SLC9A4: variants seen among roughly 807,000 people sequenced by gnomAD.
SLC9A4 encodes solute carrier family 9 member A4.
SLC9A4 carries 63 observed loss-of-function variants against 67.4 expected under a neutral mutation model. The ratio of observed to expected loss-of-function variants is 0.93; its 90% CI spans 0.76 to 1.15. SLC9A4 has a LOEUF of 1.15. SLC9A4 is among the 50% of genes most tolerant of loss of function. The pLI is 0.00. For missense variants in SLC9A4, 1,089 were observed against 987.7 expected, an observed-to-expected ratio of 1.10 and a Z score of -1.38; for synonymous variants, 393 against 367.2, an observed-to-expected ratio of 1.07 and a Z score of -0.80.
Position 102,514,198 on chromosome 2 carries a change from C to G in SLC9A4, c.1668C>G (p.Ile556Met). The G allele has an allele frequency of 1.9e-6, 3 of 1,614,106 alleles. No homozygotes were observed. Among genetic ancestry groups the G allele is most frequent in the South Asian group, 1.1e-5 (1 of 91,076 alleles). Residue 556 changes from isoleucine (I) to methionine (M), a missense_variant, in exon 8 of 12, where the codon ATC becomes ATG. Transcript: ENST00000295269. ...AGAAGCTGGAAATGAAGCAAGCCAT[C>G]GAGATGGTGGAGACTGGGATACTGA... ...LYKKLEMKQA[I>M]EMVETGILSS...
chr2:102,489,144 T>C (rs983146301), intron 2 of SLC9A4, among the ~76,000 whole-genome samples: 1 of 152,220 alleles, frequency 6.6e-6, no homozygotes, highest in African/African-American at 2.4e-5. Context: ...TTTTGTATCA[T>C]GCAGGTGAAC....
intron 11 of SLC9A4, among the ~76,000 whole-genome samples, chr2:102,528,354 C>T (rs1431014059): frequency 6.6e-6 from 1 of 151,484 alleles, no homozygotes; most frequent in East Asian, 1.9e-4. Context: ...AATAACCTGG[C>T]ACTATTTTTG....
chr2:102,491,907 G>A (rs1003107794), intron 2 of SLC9A4, among the ~76,000 whole-genome samples: 2 of 152,166 alleles, frequency 1.3e-5, no homozygotes, highest in Admixed American at 1.3e-4. Flanking sequence ...TGGGGGTAAA[G>A]GCACTGGGTA....
chr2:102,496,491 G>A (rs1234128452), intron 2 of SLC9A4, among the ~76,000 whole-genome samples: 1 of 152,188 alleles, frequency 6.6e-6, no homozygotes, highest in African/African-American at 2.4e-5. Flanking sequence ...AAAAAAGGGA[G>A]GGATATACCT....
intron 8 of SLC9A4, among the ~76,000 whole-genome samples, chr2:102,519,147 G>C (rs192821578): frequency 6.6e-6 from 1 of 152,264 alleles, no homozygotes; most frequent in African/African-American, 2.4e-5. Context: ...GGCATAACCC[G>C]TTTTTTAATC....
intron 2 of SLC9A4, among the ~76,000 whole-genome samples, chr2:102,488,906 T>C (rs1282278099): frequency 6.6e-6 from 1 of 152,112 alleles, no homozygotes; most frequent in East Asian, 1.9e-4. Context: ...GAGCCAGAGG[T>C]CCCCTGAGTT....
At chr2:102,529,569 A>G (rs1558676203) in intron 11 of SLC9A4, among the ~76,000 whole-genome samples, 2 of 152,202 alleles carry the variant, frequency 1.3e-5, no homozygotes, top group East Asian at 3.8e-4. Context: ...TTTAAAAAGG[A>G]TTATAATAGT....
At chr2:102,480,447 G>C (rs1049778585) in intron 2 of SLC9A4, among the ~76,000 whole-genome samples, 4 of 151,368 alleles carry the variant, frequency 2.6e-5, no homozygotes, top group Non-Finnish European at 5.9e-5. Flanking sequence ...CACTGCAACC[G>C]TGTCTGGCCC....
At chr2:102,517,309 A>G (rs1348594620) in intron 8 of SLC9A4, among the ~76,000 whole-genome samples, 1 of 152,182 alleles carries the variant, frequency 6.6e-6, no homozygotes, top group Non-Finnish European at 1.5e-5. Flanking sequence ...TTAGCTGCTT[A>G]AAAAAAGATG....
chr2:102,521,573 C>T (rs777317637), intron 9 of SLC9A4, among the ~76,000 whole-genome samples: 18 of 152,196 alleles, frequency 1.2e-4, no homozygotes, highest in Non-Finnish European at 2.6e-4. Context: ...TACCCCTTCC[C>T]GTCTTCCTTT....
intron 2 of SLC9A4, among the ~76,000 whole-genome samples, chr2:102,486,353 T>C (rs781683347): frequency 2.6e-5 from 4 of 152,222 alleles, no homozygotes; most frequent in Non-Finnish European, 5.9e-5. Context: ...TTGGTGTTAT[T>C]CATCCAAGTC....
chr2:102,478,110 C>A (rs772385053), intron 1 of SLC9A4, among the ~76,000 whole-genome samples: 1 of 152,078 alleles, frequency 6.6e-6, no homozygotes, highest in South Asian at 2.1e-4. Context: ...CAATCAGAGA[C>A]CCATGGTGTA....
chr2:102,502,613 G>A (rs1684967013), intron 2 of SLC9A4, among the ~76,000 whole-genome samples: 1 of 152,222 alleles, frequency 6.6e-6, no homozygotes, highest in Non-Finnish European at 1.5e-5. Flanking sequence ...CTGGCCACTG[G>A]GTAGCAGAGA....
In SLC9A4 at chr2:102,532,821, A is replaced by G; in HGVS notation, c.*133A>G. 1.0e-6 allele frequency: 1 copy of G among 962,214 alleles called. No individual in the cohort carries two copies. The allele number at this position is 962,214 out of a possible 1,614,324, so 59.6% of individuals were successfully genotyped here. A position where few individuals can be genotyped will look rare whatever the true frequency, so the allele number is the denominator to read the frequency against. On this transcript the variant is annotated 3_prime_UTR_variant, in exon 12 of 12. Transcript: ENST00000295269. Reference sequence around the variant, plus strand: ...TGAAGCTATTAAACATGGATCTATAAGCAGCAGGAAGATTTTTTCCAAGGA... The same window carrying G: ...TGAAGCTATTAAACATGGATCTATAGGCAGCAGGAAGATTTTTTCCAAGGA...
At chr2:102,506,843 T>C (rs1685061096) in intron 4 of SLC9A4, among the ~76,000 whole-genome samples, 1 of 152,102 alleles carries the variant, frequency 6.6e-6, no homozygotes, top group Non-Finnish European at 1.5e-5. Context: ...CTCAACCCCA[T>C]ACTCTTACAG....
Position 102,532,897 on chromosome 2 carries a change from A to T in SLC9A4, c.*209A>T. Reference sequence around the variant, plus strand: ...CATGTACTTATTGTGGGGTACCTTTAGATGAATTCCCTGTGAGTGAGAGAA... The same window carrying T: ...CATGTACTTATTGTGGGGTACCTTTTGATGAATTCCCTGTGAGTGAGAGAA... On this transcript the variant is annotated 3_prime_UTR_variant, in exon 12 of 12. Transcript: ENST00000295269. The T allele has an allele frequency of 2.0e-6, 1 of 496,852 alleles. No homozygotes were observed. Among genetic ancestry groups the T allele is most frequent in the South Asian group, 3.1e-5 (1 of 31,858 alleles). 30.8% of individuals were successfully genotyped at this position (496,852 alleles called of 1,614,324 possible).
Position 102,478,900 on chromosome 2 carries a change from G to T in SLC9A4, c.318G>T (p.Val106=), listed in dbSNP as rs146079308. 1.2e-6 allele frequency: 2 copies of T among 1,614,118 alleles called. No individual in the cohort carries two copies. The highest frequency in any genetic ancestry group is 1.3e-5 in the African/African-American group (1 of 75,058). ...CAGAAAGCTGCCTCCTCATCCTGGT[G>T]GGGGCGCTGGTGGGCGGCATCATCT... The part of the protein sequence containing the change: ...LMPESCLLIL[V]GALVGGIIFG... Residue 106 remains valine, a synonymous_variant, in exon 2 of 12, where the codon GTG becomes GTT. Transcript: ENST00000295269.
intron 9 of SLC9A4, among the ~76,000 whole-genome samples, chr2:102,523,316 A>AT (rs1674586324): frequency 1.3e-5 from 2 of 152,026 alleles, no homozygotes; most frequent in East Asian, 3.9e-4. Context: ...ACAATTATCT[A>AT]TTTTGTGAGG....
Position 102,503,723 on chromosome 2 carries a change from G to A in SLC9A4, c.980+16G>A, listed in dbSNP as rs1274258582. On this transcript the variant is annotated intron_variant, in intron 3 of 11. Transcript: ENST00000295269. ...GCATCCTGGCGTGAGTACAAACCAA[G>A]GATCAAGTCACATAGTAATAGAAAG... is the stretch of plus-strand genomic sequence containing the variant. 4 of 1,611,344 alleles carry A rather than the reference G, an allele frequency of 2.5e-6. No homozygotes were observed. Among genetic ancestry groups the A allele is most frequent in the East Asian group, 4.5e-5 (2 of 44,810 alleles).
Sources: gnomAD v4.1 joint callset for allele counts (sites outside exome capture counted in the v4.1 genomes callset) on GRCh38, gnomAD v4.1.1 for gene constraint, MANE v1.5 for transcripts, NCBI Gene and HGNC (gene_info 2026-07-23, HGNC 2026-07-21) for gene names.